Variants in CCDC169 observed in about 807,000 individuals in gnomAD.
CCDC169 encodes coiled-coil domain containing 169.
A neutral mutation model predicts 36.0 loss-of-function variants in CCDC169; 30 were observed. The ratio of observed to expected loss-of-function variants is 0.83; its 90% CI spans 0.62 to 1.13. CCDC169 has a LOEUF of 1.13. Ranked by LOEUF, CCDC169 falls within the 50% of genes most tolerant of loss-of-function variation. CCDC169 has a pLI of 0.00. For missense variants in CCDC169, 245 were observed against 245.9 expected (o/e 1.00, Z 0.03); for synonymous variants, 85 against 81.5 (o/e 1.04, Z -0.23).
At chr13:36,281,320 CT>C in intron 4 of CCDC169, 2 of 434,864 alleles carry the variant, frequency 4.6e-6, no homozygotes, top group Non-Finnish European at 9.0e-6. Flanking sequence ...TTAAACCTTT[CT>C]CTTACATTCT....
chr13:36,266,669 C>T (rs1010563312), intron 4 of CCDC169, among the ~76,000 whole-genome samples: 4 of 152,190 alleles, frequency 2.6e-5, no homozygotes, highest in Non-Finnish European at 5.9e-5. Flanking sequence ...GTTAACAGTT[C>T]TCAGCCTCTC....
intron 7 of CCDC169, among the ~76,000 whole-genome samples, chr13:36,239,924 T>C (rs1403176100): frequency 3.3e-5 from 5 of 152,186 alleles, no homozygotes; most frequent in African/African-American, 9.7e-5. Context: ...ACCACATTCA[T>C]ATAACTTTTA....
Position 36,231,263 on chromosome 13 carries a change from G to A in CCDC169, c.575C>T (p.Thr192Ile). Residue 192 changes from threonine to isoleucine, a missense_variant, in exon 8 of 8, where the codon ACA (threonine) becomes ATA (isoleucine). Coordinates refer to ENST00000239859, the MANE Select transcript of CCDC169 (RefSeq NM_001144981.3). The part of the protein sequence containing the change: ...TGRYNPAKQK[T>I]VSAKRGPVKK... ...TACTGGTCCTCTCTTGGCACTCACT[G>A]TCTTCTGCTTAGCTGGATTATATCT... 1 of 1,551,372 alleles carries A rather than the reference G, an allele frequency of 6.4e-7. No homozygotes were observed. The highest frequency in any genetic ancestry group is 8.7e-7 in the Non-Finnish European group (1 of 1,146,832).
intron 4 of CCDC169, among the ~76,000 whole-genome samples, chr13:36,273,379 T>C (rs183919412): frequency 1.3e-5 from 2 of 152,300 alleles, no homozygotes; most frequent in East Asian, 3.9e-4. Flanking sequence ...TTAGGAGTTT[T>C]ATACATGGGA....
chr13:36,237,476 A>C (rs536582963), intron 7 of CCDC169, among the ~76,000 whole-genome samples: 1 of 152,332 alleles, frequency 6.6e-6, no homozygotes, highest in African/African-American at 2.4e-5. Flanking sequence ...TGCACACAAA[A>C]CTTGTACAGG....
At chr13:36,243,178 A>C (rs548175937) in intron 7 of CCDC169, among the ~76,000 whole-genome samples, 2 of 152,232 alleles carry the variant, frequency 1.3e-5, no homozygotes, top group Admixed American at 6.5e-5. Flanking sequence ...GCCTTCCCCC[A>C]CAGGTGTTGA....
At chr13:36,295,882 A>T (rs1877804880) in intron 1 of CCDC169, 25 bp from the exon 2 acceptor site, 1 of 1,322,864 alleles carries the variant, frequency 7.6e-7, no homozygotes, top group Non-Finnish European at 1.0e-6. Flanking sequence ...ATTTTTGTTG[A>T]TTATAATTCA....
chr13:36,240,701 T>A, intron 7 of CCDC169: 1 of 957,024 alleles, frequency 1.0e-6, no homozygotes, highest in Non-Finnish European at 1.4e-6. Context: ...GGTTTCACAC[T>A]AAAGAAAAAA....
chr13:36,245,411 T>C (rs924523318), intron 7 of CCDC169, among the ~76,000 whole-genome samples: 1 of 152,096 alleles, frequency 6.6e-6, no homozygotes, highest in Non-Finnish European at 1.5e-5. Flanking sequence ...GTGATCCTCC[T>C]GTCTCAGCCT....
chr13:36,226,379 C>T (rs1869877158), downstream of CCDC169: 1 of 152,212 alleles, frequency 6.6e-6, no homozygotes, highest in South Asian at 2.1e-4. Context: ...ATTAGAGTCT[C>T]ATAAGGAGTA....
rs1879725190 is a variant in CCDC169 at position 36,297,799 on chromosome 13, T to C, written c.-80A>G. 1 of 1,368,016 alleles carries C rather than the reference T, an allele frequency of 7.3e-7. No individual in the cohort carries two copies. Among genetic ancestry groups the C allele is most frequent in the South Asian group, 1.2e-5 (1 of 80,510 alleles). 84.7% of individuals were successfully genotyped at this position (1,368,016 alleles called of 1,614,324 possible). On this transcript the variant is annotated 5_prime_UTR_variant, in exon 1 of 8. Transcript: ENST00000239859. ...ACATTAAGGGCCACCCAGAAGCCAG[T>C]ACGGCACGAGGCGGTGAACCCCAAC... is the stretch of plus-strand genomic sequence containing the variant.
At chr13:36,231,962 T>C (rs1430093552) in intron 7 of CCDC169, among the ~76,000 whole-genome samples, 2 of 152,160 alleles carry the variant, frequency 1.3e-5, no homozygotes, top group African/African-American at 2.4e-5. Context: ...AATTCTCTCC[T>C]CCATAAAAGT....
At chr13:36,292,853 G>C in intron 2 of CCDC169, among the ~76,000 whole-genome samples, 1 of 152,160 alleles carries the variant, frequency 6.6e-6, no homozygotes, top group East Asian at 1.9e-4. Flanking sequence ...TCACTACAGT[G>C]ATATCCTTGA....
At chr13:36,279,216 G>A (rs1594074558) in intron 4 of CCDC169, among the ~76,000 whole-genome samples, 3 of 152,026 alleles carry the variant, frequency 2.0e-5, no homozygotes, top group African/African-American at 7.2e-5. Flanking sequence ...GTTGGGGTGG[G>A]GGTGGGAGGA....
At chr13:36,222,282 G>A (rs1285570834), downstream of CCDC169, 1 of 152,374 alleles carries the variant, frequency 6.6e-6, no homozygotes, top group African/African-American at 2.4e-5. Context: ...AAGCATGGTG[G>A]TTTCATGTAG....
intron 7 of CCDC169, among the ~76,000 whole-genome samples, chr13:36,232,096 G>A (rs528842273): frequency 5.9e-5 from 9 of 152,240 alleles, no homozygotes; most frequent in Non-Finnish European, 8.8e-5. Context: ...CTGAAACTTC[G>A]AACACTGAGC....
intron 4 of CCDC169, among the ~76,000 whole-genome samples, chr13:36,265,639 T>C (rs1394192079): frequency 1.3e-5 from 2 of 152,222 alleles, no homozygotes; most frequent in African/African-American, 4.8e-5. Context: ...GCTACTGTCT[T>C]CCCTGGGATA....
intron 4 of CCDC169, among the ~76,000 whole-genome samples, chr13:36,270,410 GA>G (rs900644017): frequency 1.5e-4 from 22 of 150,880 alleles, no homozygotes; most frequent in Non-Finnish European, 2.7e-4. Context: ...CACGGAATTA[GA>G]AAAAAAAATC....
chr13:36,237,871 AC>A (rs1285932793), intron 7 of CCDC169, among the ~76,000 whole-genome samples: 3 of 152,196 alleles, frequency 2.0e-5, no homozygotes, highest in Non-Finnish European at 4.4e-5. Flanking sequence ...AGTGTTCCCT[AC>A]AGTAATATGC....
Sources: gnomAD v4.1 joint callset for allele counts (sites outside exome capture counted in the v4.1 genomes callset) on GRCh38, gnomAD v4.1.1 for gene constraint, MANE v1.5 for transcripts, NCBI Gene and HGNC (gene_info 2026-07-23, HGNC 2026-07-21) for gene names.